Variants in SPANXN4 observed in about 807,000 individuals in gnomAD.
The protein encoded by SPANXN4 is sperm protein associated with the nucleus on the X chromosome N4.
In SPANXN4, 5 loss-of-function variants were observed where a neutral mutation model predicts 6.0. That is an observed-to-expected ratio of 0.83 (90% CI 0.44 to 1.75). SPANXN4 has a LOEUF of 1.75. Ranked by LOEUF, SPANXN4 falls within the 40% of genes most tolerant of loss-of-function variation. The probability of loss-of-function intolerance (pLI) is 0.02; values close to 1 mark genes in which losing one functional copy is unlikely to be tolerated. For synonymous variants in SPANXN4, 45 were observed against 38.0 expected, an observed-to-expected ratio of 1.19 and a Z score of -0.68; for missense variants, 157 against 108.6, an observed-to-expected ratio of 1.45 and a Z score of -1.98.
At chrX:143,029,818 T>C (rs764855840) in intron 1 of SPANXN4, among the ~76,000 whole-genome samples, 1 of 110,376 alleles carries the variant, frequency 9.1e-6, no homozygotes, top group African/African-American at 3.3e-5. Context: ...AAAGAGGGAG[T>C]TTCTGTACCT....
At chrX:143,034,474 G>C in intron 2 of SPANXN4, 163 bp downstream of exon 2, 2 of 1,120,029 alleles carry the variant, frequency 1.8e-6, no homozygotes, top group Non-Finnish European at 2.3e-6. Flanking sequence ...CTGATTCCTG[G>C]AGACAAATTT....
At chrX:143,036,094 T>A (rs180957663), downstream of SPANXN4, among the ~76,000 whole-genome samples, 1 of 108,243 alleles carries the variant, frequency 9.2e-6, no homozygotes, top group Non-Finnish European at 1.9e-5. Flanking sequence ...AAGATCTTTT[T>A]TTTTCAAGTG....
downstream of SPANXN4, among the ~76,000 whole-genome samples, chrX:143,037,039 A>G (rs757790548): frequency 1.8e-5 from 2 of 111,827 alleles, no homozygotes; most frequent in Non-Finnish European, 3.8e-5. Flanking sequence ...TGACTAGTTT[A>G]TGCATTCATT....
intron 1 of SPANXN4, among the ~76,000 whole-genome samples, chrX:143,033,005 A>C (rs1275647763): frequency 1.8e-5 from 2 of 111,717 alleles, no homozygotes; most frequent in African/African-American, 6.5e-5. Context: ...GGCTGCGGTC[A>C]CCTGGTGACC....
At chrX:143,034,618 G>T (rs923934751) in exon 3 of SPANXN4, 14 of 1,163,784 alleles carry the variant, frequency 1.2e-5, no homozygotes, top group Non-Finnish European at 1.6e-5. Context: ...CCAAAATGAA[G>T]ACATCAGAAT....
intron 1 of SPANXN4, among the ~76,000 whole-genome samples, chrX:143,033,092 G>A (rs1602658546): frequency 8.9e-6 from 1 of 111,881 alleles, no homozygotes; most frequent in Non-Finnish European, 1.9e-5. Context: ...AGGAGGAAAA[G>A]GGAGATTCAC....
chrX:143,035,075 CAAAA>C (rs780134042), downstream of SPANXN4, among the ~76,000 whole-genome samples: 1 of 39,104 alleles, frequency 2.6e-5, no homozygotes. Flanking sequence ...GACTCTGTCT[CAAAA>C]AAAAAAAAAA....
chrX:143,026,764 T>G (rs757087667), intron 1 of SPANXN4, among the ~76,000 whole-genome samples: 1 of 109,041 alleles, frequency 9.2e-6, no homozygotes, highest in East Asian at 2.9e-4. Context: ...ACAGGGGAGT[T>G]TAGCTTTAGG....
chrX:143,030,084 G>A (rs779041443), intron 1 of SPANXN4, among the ~76,000 whole-genome samples: 3 of 109,480 alleles, frequency 2.7e-5, no homozygotes, highest in Non-Finnish European at 5.7e-5. Context: ...GGAGTTGATG[G>A]GGCAAGCTGG....
At chrX:143,036,231 C>A (rs944706396), downstream of SPANXN4, among the ~76,000 whole-genome samples, 1 of 110,331 alleles carries the variant, frequency 9.1e-6, no homozygotes, top group African/African-American at 3.3e-5. Flanking sequence ...ATTTCTCTGC[C>A]AAAATCTGTT....
exon 3 of SPANXN4, chrX:143,034,619 A>G: frequency 8.6e-7 from 1 of 1,166,026 alleles, no homozygotes; most frequent in Non-Finnish European, 1.1e-6. Flanking sequence ...CAAAATGAAG[A>G]CATCAGAATC....
At chrX:143,030,942 A>G (rs1932806328) in intron 1 of SPANXN4, among the ~76,000 whole-genome samples, 1 of 111,327 alleles carries the variant, frequency 9.0e-6, no homozygotes, top group African/African-American at 3.3e-5. Context: ...AGTGGAGGAG[A>G]TTGAAGGGTT....
chrX:143,026,058 G>A (rs1260621556), exon 1 of SPANXN4: 1 of 1,209,279 alleles, frequency 8.3e-7, no homozygotes, highest in South Asian at 1.8e-5. Flanking sequence ...AAAATGAAGA[G>A]CCCCTGTGAA....
chrX:143,033,785 C>T (rs774914992), intron 1 of SPANXN4, among the ~76,000 whole-genome samples: 26 of 111,358 alleles, frequency 2.3e-4, no homozygotes, highest in Non-Finnish European at 4.1e-4. Flanking sequence ...TCACTTTGAC[C>T]GAGGTCTGCA....
chrX:143,030,055 TTTG>T (rs1321320820), intron 1 of SPANXN4, among the ~76,000 whole-genome samples: 2 of 104,255 alleles, frequency 1.9e-5, no homozygotes, highest in Non-Finnish European at 2.0e-5. Flanking sequence ...CATTTTTTAG[TTTG>T]TTTTTTTTTT....
chrX:143,036,434 A>G (rs1181829940), downstream of SPANXN4, among the ~76,000 whole-genome samples: 1 of 111,449 alleles, frequency 9.0e-6, no homozygotes, highest in African/African-American at 3.3e-5. Context: ...TCTGTTCTAG[A>G]TAGAACTTCC....
chrX:143,032,238 A>G (rs1039742707), intron 1 of SPANXN4, among the ~76,000 whole-genome samples: 13 of 111,380 alleles, frequency 1.2e-4, no homozygotes, highest in Non-Finnish European at 2.5e-4. Context: ...TTAAAATGGG[A>G]GAGGCTGGCT....
intron 2 of SPANXN4, 92 bp downstream of exon 2, chrX:143,034,403 G>A (rs1295239283): frequency 9.4e-7 from 1 of 1,069,341 alleles, no homozygotes; most frequent in African/African-American, 1.9e-5. Context: ...ATGAGATCCT[G>A]TAGCATTGGC....
intron 1 of SPANXN4, 25 bp from the exon 2 acceptor site, chrX:143,034,000 T>G: frequency 6.1e-6 from 7 of 1,143,523 alleles, no homozygotes; most frequent in Non-Finnish European, 8.2e-6. Context: ...AACACCATTC[T>G]GGCCTCTCCC....
Sources: gnomAD v4.1 joint callset for allele counts (sites outside exome capture counted in the v4.1 genomes callset) on GRCh38, gnomAD v4.1.1 for gene constraint, MANE v1.5 for transcripts, NCBI Gene and HGNC (gene_info 2026-07-23, HGNC 2026-07-21) for gene names.